The following MORN1 variants were observed in gnomAD, a reference collection of about 807,000 sequenced individuals.
MORN1 encodes the protein MORN repeat containing 1.
Under a neutral mutation model 61.9 loss-of-function variants are expected in MORN1, and 67 were observed. The observed-to-expected ratio is 1.08, with a 90% confidence interval of 0.89 to 1.33. The LOEUF (loss-of-function observed/expected upper bound fraction) is 1.33. Ranked by LOEUF, MORN1 falls within the 40% of genes most tolerant of loss-of-function variation. The probability of loss-of-function intolerance (pLI) is 0.00; values close to 1 mark genes in which losing one functional copy is unlikely to be tolerated. For synonymous variants in MORN1, 301 were observed against 292.0 expected (o/e 1.03, Z -0.31); for missense variants, 752 against 691.2 (o/e 1.09, Z -0.99).
chr1:2,363,024 A>T (rs2100317759), intron 8 of MORN1: 1 of 152,376 alleles, frequency 6.6e-6, no homozygotes, highest in South Asian at 2.1e-4. Flanking sequence ...AGAAGCGAGA[A>T]GAACCAGAAG....
intron 8 of MORN1, among the ~76,000 whole-genome samples, chr1:2,361,133 G>A (rs1036056749): frequency 1.3e-5 from 2 of 152,194 alleles, no homozygotes; most frequent in Non-Finnish European, 2.9e-5. Flanking sequence ...ATAACAAGGA[G>A]AAAAATCCAT....
chr1:2,336,414 G>A, intron 12 of MORN1, 55 bp downstream of exon 12: 2 of 1,553,048 alleles, frequency 1.3e-6, no homozygotes, highest in South Asian at 2.3e-5. Flanking sequence ...CCCAGCTGAT[G>A]AGGAGGCCAC....
chr1:2,354,508 G>C (rs778011293), intron 10 of MORN1, among the ~76,000 whole-genome samples: 12 of 152,080 alleles, frequency 7.9e-5, no homozygotes, highest in Non-Finnish European at 1.5e-4. Context: ...TGGAGGCTGC[G>C]ATGAGCCGAG....
At position 2,334,259 on chromosome 1, in the gene MORN1, G is replaced by T. The variant is rs1026071597; in HGVS notation, c.1250+2210C>A. ...GTGGGGGGGCAGCAGGTGTAAGAAC[G>T]GTAAGGGATCACGTGGCTACAAGGA... is the stretch of plus-strand genomic sequence containing the variant. On this transcript the variant is annotated intron_variant, in intron 12 of 13. Coordinates refer to ENST00000378531, the MANE Select transcript of MORN1 (RefSeq NM_024848.3). The surrounding 1 kb of genome is among the most constrained non-coding windows in gnomAD (Gnocchi z 5.4). 1.3e-5 allele frequency among the ~76,000 whole-genome samples: 2 copies of T among 152,082 alleles called. No individual in the cohort carries two copies. Among genetic ancestry groups the T allele is most frequent in the African/African-American group, 4.8e-5 (2 of 41,400 alleles).
At position 2,357,362 on chromosome 1, in the gene MORN1, G is replaced by A; in HGVS notation, c.1036+70C>T. 2 of 1,507,306 alleles carry A rather than the reference G, an allele frequency of 1.3e-6. No individual in the cohort carries two copies. Among genetic ancestry groups the A allele is most frequent in the Middle Eastern group, 1.9e-4 (1 of 5,376 alleles). The allele number at this position is 1,507,306 out of a possible 1,614,324, so 93.4% of individuals were successfully genotyped here. On this transcript the variant is annotated intron_variant, in intron 10 of 13. Coordinates refer to ENST00000378531, the MANE Select transcript of MORN1 (RefSeq NM_024848.3). The surrounding 1 kb of genome is among the most constrained non-coding windows in gnomAD (Gnocchi z 6.3). ...CTCTGGCCTGGTTCTGGGTCCCCAT[G>A]ACCCCACCCCCACCTTGACTGCTGG...
intron 8 of MORN1, among the ~76,000 whole-genome samples, chr1:2,364,940 A>G (rs1570000471): frequency 1.3e-5 from 2 of 152,300 alleles, no homozygotes; most frequent in East Asian, 3.9e-4. Context: ...TGGTACCAGT[A>G]CCATGCTGTT....
chr1:2,372,683 AC>A lies in MORN1; in HGVS notation c.635-93del. On this transcript the variant is annotated intron_variant, in intron 7 of 13. Transcript: ENST00000378531. This position sits in a 1 kb window ranked among gnomAD's most constrained non-coding sequence, Gnocchi z 5.4. Reference sequence around the variant, plus strand: ...TCAGCAGTGGGCACCCCAGGAACCGACCAGAGCCCAGTGTGGCAGCTGGAAC... The same window carrying A: ...TCAGCAGTGGGCACCCCAGGAACCGACAGAGCCCAGTGTGGCAGCTGGAAC... 1.1e-6 allele frequency: 1 copy of A among 921,238 alleles called. No homozygotes were observed. Among genetic ancestry groups the A allele is most frequent in the Non-Finnish European group, 1.7e-6 (1 of 603,148 alleles). 57.1% of individuals were successfully genotyped at this position (921,238 alleles called of 1,614,324 possible).
At chr1:2,348,675 C>T (rs1165851083) in intron 10 of MORN1, among the ~76,000 whole-genome samples, 1 of 142,096 alleles carries the variant, frequency 7.0e-6, no homozygotes, top group African/African-American at 2.6e-5. Flanking sequence ...ACACGCACAC[C>T]TGCGCAGGCA....
rs2100257566 is a variant in MORN1, at chr1:2,337,387, C to T, written c.1037-537G>A. 6.6e-6 allele frequency among the ~76,000 whole-genome samples: 1 copy of T among 152,286 alleles called. No individual in the cohort carries two copies. Among genetic ancestry groups the T allele is most frequent in the South Asian group, 2.1e-4 (1 of 4,828 alleles). ...CGAGTCCCTCCACGTGGCGGCAGAC[C>T]CCAGGTCCTCGGGCATCAGAGGCGG... is the stretch of plus-strand genomic sequence containing the variant. On this transcript the variant is annotated intron_variant, in intron 10 of 13. Transcript: ENST00000378531. This position sits in a 1 kb window ranked among gnomAD's most constrained non-coding sequence, Gnocchi z 5.7.
At chr1:2,322,068 C>T in intron 13 of MORN1, 1 of 985,454 alleles carries the variant, frequency 1.0e-6, no homozygotes, top group African/African-American at 1.7e-5. Flanking sequence ...AAGCCCCGCC[C>T]TGGCCCCTTC....
chr1:2,371,871 G>A, intron 8 of MORN1: 1 of 168,686 alleles, frequency 5.9e-6, no homozygotes, highest in Non-Finnish European at 1.3e-5. Context: ...TTGCACCACT[G>A]CACTCCAGCC....
chr1:2,332,562 G>A (rs1300476186), intron 12 of MORN1: 1 of 456,056 alleles, frequency 2.2e-6, no homozygotes, highest in Non-Finnish European at 4.4e-6. Context: ...AATGGGCAGT[G>A]CTGTGAGGGG....
chr1:2,351,687 T>C, intron 10 of MORN1: 1 of 437,142 alleles, frequency 2.3e-6, no homozygotes, highest in Non-Finnish European at 4.5e-6. Context: ...ACGTGCTGGT[T>C]GCTTCGCATT....
chr1:2,374,771 C>T (rs1217767672), intron 6 of MORN1: 2 of 533,042 alleles, frequency 3.8e-6, no homozygotes, highest in Admixed American at 6.6e-5. Context: ...AAATATACTC[C>T]CTTTGGAATT....
chr1:2,374,690 G>A lies in MORN1; in HGVS notation c.538-133C>T, dbSNP rs540549432. ...GGCTGCTAGAAAACCACATCGTCTC[G>A]AGGGTCCTTGCAGCCTGTCCCTCGG... On this transcript the variant is annotated intron_variant, in intron 6 of 13. Transcript: ENST00000378531. 358 of 679,456 alleles carry A rather than the reference G, an allele frequency of 5.3e-4. 4 individuals carry two copies. The South Asian group carries it at 6.4e-3, about 12-fold the overall frequency. The allele number at this position is 679,456 out of a possible 1,614,324, so 42.1% of individuals were successfully genotyped here. A position where few individuals can be genotyped will look rare whatever the true frequency, so the allele number is the denominator to read the frequency against.
intron 10 of MORN1, chr1:2,351,914 T>A: frequency 2.0e-6 from 1 of 510,290 alleles, no homozygotes. Context: ...CTTCTGAACC[T>A]GGTATGAGGC....
At chr1:2,366,527 T>A (rs1641999167) in intron 8 of MORN1, among the ~76,000 whole-genome samples, 1 of 152,106 alleles carries the variant, frequency 6.6e-6, no homozygotes, top group African/African-American at 2.4e-5. Context: ...AATCTTTTGT[T>A]TGTTTGCTTG....
chr1:2,346,799 G>A (rs960283410), intron 10 of MORN1, among the ~76,000 whole-genome samples: 2 of 152,200 alleles, frequency 1.3e-5, no homozygotes, highest in African/African-American at 4.8e-5. Context: ...CCAGCCCCCA[G>A]CCGGTCCGAG....
At position 2,332,763 on chromosome 1, in the gene MORN1, G is replaced by T. The variant is rs1473920054; in HGVS notation, c.1250+3706C>A. The stretch of plus-strand genomic sequence containing the variant: ...AGCTCCTGTTGGGATCCTGGGAGGG[G>T]TGAAAACCTCCATGAGTGAGTGAGG... On this transcript the variant is annotated intron_variant, in intron 12 of 13. Coordinates refer to ENST00000378531, the MANE Select transcript of MORN1 (RefSeq NM_024848.3). 1.1e-5 allele frequency: 5 copies of T among 456,404 alleles called. No homozygotes were observed. In the Admixed American group the frequency reaches 1.2e-4, roughly 11 times the overall value. The allele number at this position is 456,404 out of a possible 1,614,324, so 28.3% of individuals were successfully genotyped here.
Sources: allele counts gnomAD v4.1 joint callset (sites outside exome capture counted in the v4.1 genomes callset), GRCh38; gene constraint gnomAD v4.1.1; non-coding constraint Gnocchi (gnomAD v3.1); transcripts MANE v1.5; gene names NCBI Gene and HGNC (gene_info 2026-07-23, HGNC 2026-07-21).